ADGB: variants seen among roughly 807,000 people sequenced by gnomAD.
ADGB encodes the protein calpain-7-like protein.
In ADGB, 172 loss-of-function variants were observed where a neutral mutation model predicts 210.5. The ratio of observed to expected loss-of-function variants is 0.82; its 90% CI spans 0.72 to 0.93. The LOEUF (loss-of-function observed/expected upper bound fraction) is 0.93. Ranked by LOEUF, ADGB falls within the 40% of genes least tolerant of loss-of-function variation. The pLI is 0.00. For missense variants in ADGB, 2,025 were observed against 1,964.8 expected, an observed-to-expected ratio of 1.03 and a Z score of -0.58; for synonymous variants, 658 against 662.7, an observed-to-expected ratio of 0.99 and a Z score of 0.11.
intron 22 of ADGB, among the ~76,000 whole-genome samples, chr6:146,736,107 T>G (rs1777074902): frequency 6.6e-6 from 1 of 152,232 alleles, no homozygotes; most frequent in Admixed American, 6.5e-5. Flanking sequence ...TGCAGTAGAT[T>G]GAGATCTAAT....
chr6:146,804,424 C>T (rs191727595), intron 35 of ADGB, among the ~76,000 whole-genome samples: 31 of 152,166 alleles, frequency 2.0e-4, no homozygotes, highest in Middle Eastern at 3.4e-3. Flanking sequence ...CAAACAGAAC[C>T]TCTCTAAATC....
At chr6:146,770,028 C>T (rs2114632019) in intron 29 of ADGB, among the ~76,000 whole-genome samples, 1 of 152,200 alleles carries the variant, frequency 6.6e-6, no homozygotes, top group Middle Eastern at 3.4e-3. Flanking sequence ...AGAATGCAAG[C>T]CCCTGAAGAA....
At chr6:146,801,150 A>T in intron 33 of ADGB, 33 bp from the exon 34 acceptor site, 20 of 1,238,336 alleles carry the variant, frequency 1.6e-5, no homozygotes, top group Non-Finnish European at 2.2e-5. Flanking sequence ...TTTAAAGCCT[A>T]GGTTTTTTGT....
At chr6:146,768,620 T>C (rs1777608820) in intron 28 of ADGB, among the ~76,000 whole-genome samples, 1 of 152,140 alleles carries the variant, frequency 6.6e-6, no homozygotes, top group Non-Finnish European at 1.5e-5. Context: ...TTTTAATCCC[T>C]AAATATAATA....
At chr6:146,814,819 AT>A (rs1778358820) in intron 35 of ADGB, among the ~76,000 whole-genome samples, 1 of 152,106 alleles carries the variant, frequency 6.6e-6, no homozygotes, top group Non-Finnish European at 1.5e-5. Context: ...AAATGTTTTT[AT>A]TTTGCCATAC....
At chr6:146,766,335 G>A (rs1346417491) in intron 28 of ADGB, among the ~76,000 whole-genome samples, 1 of 151,996 alleles carries the variant, frequency 6.6e-6, no homozygotes, top group African/African-American at 2.4e-5. Context: ...GCTGAGGCAT[G>A]AGAACCGCTT....
chr6:146,734,476 A>G (rs1777049243), intron 22 of ADGB, among the ~76,000 whole-genome samples: 1 of 152,254 alleles, frequency 6.6e-6, no homozygotes, highest in South Asian at 2.1e-4. Context: ...AAACTAATGC[A>G]TAATAAAGAA....
At chr6:146,644,945 A>G in intron 3 of ADGB, 80 bp downstream of exon 3, 1 of 828,852 alleles carries the variant, frequency 1.2e-6, no homozygotes, top group East Asian at 3.1e-5. Context: ...CATTTTTTGT[A>G]ATGATTTAGG....
intron 12 of ADGB, among the ~76,000 whole-genome samples, chr6:146,693,602 C>G (rs770748546): frequency 1.3e-5 from 2 of 152,190 alleles, no homozygotes; most frequent in Non-Finnish European, 2.9e-5. Context: ...TAACAAATAT[C>G]TGAAAGTGTG....
At chr6:146,724,492 A>G (rs1474578427) in intron 18 of ADGB, 165 bp downstream of exon 18, 1 of 615,132 alleles carries the variant, frequency 1.6e-6, no homozygotes, top group Non-Finnish European at 2.6e-6. Flanking sequence ...ATTTCCAAAA[A>G]ACTACATTGA....
chr6:146,642,761 T>C (rs928045536), intron 2 of ADGB, among the ~76,000 whole-genome samples: 9 of 151,696 alleles, frequency 5.9e-5, no homozygotes, highest in Non-Finnish European at 7.4e-5. Context: ...ATCTACTTGA[T>C]TAGGGAGGCT....
At chr6:146,630,201 C>A (rs750617618) in intron 1 of ADGB, among the ~76,000 whole-genome samples, 32 of 151,998 alleles carry the variant, frequency 2.1e-4, no homozygotes, top group Non-Finnish European at 4.0e-4. Context: ...CGCACCATTG[C>A]ACTCCAGCCT....
chr6:146,622,482 A>G (rs1001752625), intron 1 of ADGB, among the ~76,000 whole-genome samples: 4 of 152,132 alleles, frequency 2.6e-5, no homozygotes, highest in Non-Finnish European at 5.9e-5. Flanking sequence ...GTAATGCCAT[A>G]TTCATAGCTT....
chr6:146,659,849 G>C (rs779009937), intron 5 of ADGB, among the ~76,000 whole-genome samples: 1 of 152,104 alleles, frequency 6.6e-6, no homozygotes. Flanking sequence ...ATTGCTCTCC[G>C]CTTGAAATAT....
chr6:146,728,497 T>A (rs1049452156), intron 19 of ADGB, 77 bp from the exon 20 acceptor site: 25 of 1,335,762 alleles, frequency 1.9e-5, no homozygotes, highest in Non-Finnish European at 2.5e-5. Flanking sequence ...ATTTCATATT[T>A]TAACAGATAT....
intron 1 of ADGB, among the ~76,000 whole-genome samples, chr6:146,601,571 T>A (rs1183044954): frequency 2.0e-5 from 3 of 152,234 alleles, no homozygotes; most frequent in Non-Finnish European, 4.4e-5. Flanking sequence ...GTATGATTGT[T>A]ATTTAAAATA....
rs1776934636 is a variant in ADGB, at chr6:146,728,670, T to C, written c.2449T>C (p.Leu817=). The change falls in exon 20 of 36, where the codon TTG becomes CTG. Residue 817 remains leucine (L), a synonymous_variant. Coordinates refer to ENST00000397944, the MANE Select transcript of ADGB (RefSeq NM_024694.4). ...AGATAAGGGTAAACTCTCTGCAGCTTTGAAGGATCTGCAAACAGCTCACTA... is the reference window on the plus strand; with the variant it reads ...AGATAAGGGTAAACTCTCTGCAGCTCTGAAGGATCTGCAAACAGCTCACTA... The part of the protein sequence containing the change: ...FKDKGKLSAA[L]KDLQTAHYPV... 6.4e-7 allele frequency: 1 copy of C among 1,551,604 alleles called. No homozygotes were observed.
chr6:146,630,118 T>A (rs1192988440), intron 1 of ADGB, among the ~76,000 whole-genome samples: 2 of 151,890 alleles, frequency 1.3e-5, no homozygotes, highest in Admixed American at 6.6e-5. Flanking sequence ...GTGCCTGTAG[T>A]CCCAGATGCT....
chr6:146,786,840 T>C (rs1777882021), intron 32 of ADGB, among the ~76,000 whole-genome samples: 1 of 152,194 alleles, frequency 6.6e-6, no homozygotes, highest in African/African-American at 2.4e-5. Flanking sequence ...TGTATGTGTA[T>C]AAAATATTAC....
Sources: allele counts gnomAD v4.1 joint callset (sites outside exome capture counted in the v4.1 genomes callset), GRCh38; gene constraint gnomAD v4.1.1; transcripts MANE v1.5; gene names NCBI Gene and HGNC (gene_info 2026-07-23, HGNC 2026-07-21).